DOCK3: variants seen among roughly 807,000 people sequenced by gnomAD.
DOCK3 encodes dedicator of cytokinesis protein 3.
Under a neutral mutation model 265.6 loss-of-function variants are expected in DOCK3, and 60 were observed. The ratio of observed to expected loss-of-function variants is 0.23; its 90% CI spans 0.18 to 0.28. The LOEUF is 0.28. Among genes scored for constraint, DOCK3 ranks in the 10% least tolerant of loss-of-function variants. DOCK3 has a pLI of 1.00. For synonymous variants in DOCK3, 881 were observed against 938.0 expected, an observed-to-expected ratio of 0.94 and a Z score of 1.11; for missense variants, 1,981 against 2,594.3, an observed-to-expected ratio of 0.76 and a Z score of 5.14.
chr3:51,315,905 G>A lies in DOCK3; in HGVS notation c.3402+777G>A, dbSNP rs534434294. On this transcript the variant is annotated intron_variant, in intron 32 of 52. Coordinates refer to ENST00000266037, the MANE Select transcript of DOCK3 (RefSeq NM_004947.5). ...ACCAGTTCCCCACTAAGCTCCTTCC[G>A]AGCCTGTGATTCTGGGATGAACCAG... Among the ~76,000 whole-genome samples, 3 of 152,222 alleles carry A rather than the reference G, an allele frequency of 2.0e-5. No individual in the cohort carries two copies. The South Asian group carries it at 6.2e-4, about 32-fold the overall frequency.
intron 5 of DOCK3, among the ~76,000 whole-genome samples, chr3:51,042,348 A>G (rs2080567180): frequency 6.6e-6 from 1 of 152,204 alleles, no homozygotes; most frequent in South Asian, 2.1e-4. Context: ...AATTATCTCA[A>G]TAGATGCAGA....
Position 50,913,419 on chromosome 3 carries a change from G to T in DOCK3, c.219-20562G>T, listed in dbSNP as rs546543555. ...TTGCAAGCTGTGCAGCCTGGGGCTA[G>T]GGGAGGGGTGATGTCAGCACTCCCT... On this transcript the variant is annotated intron_variant, in intron 4 of 52. Coordinates refer to ENST00000266037, the MANE Select transcript of DOCK3 (RefSeq NM_004947.5). Among the ~76,000 whole-genome samples the T allele has an allele frequency of 7.4e-4, 112 of 152,152 alleles. 2 individuals carry two copies. Among genetic ancestry groups the T allele is most frequent in the African/African-American group, 2.7e-3 (110 of 41,452 alleles).
chr3:51,312,451 A>G, intron 29 of DOCK3, 25 bp from the exon 30 acceptor site: 1 of 1,602,946 alleles, frequency 6.2e-7, no homozygotes, highest in South Asian at 1.1e-5. Context: ...AGACTGTCAC[A>G]TTTTCTCTTT....
chr3:50,920,041 A>C (rs958952217), intron 4 of DOCK3, among the ~76,000 whole-genome samples: 9 of 152,146 alleles, frequency 5.9e-5, no homozygotes, highest in East Asian at 3.9e-4. Context: ...TGTTTATATG[A>C]TGGATTATGT....
intron 7 of DOCK3, among the ~76,000 whole-genome samples, 176 bp downstream of exon 7, chr3:51,075,616 T>C (rs2082031455): frequency 2.0e-5 from 3 of 152,228 alleles, no homozygotes; most frequent in South Asian, 2.1e-4. Flanking sequence ...TAGGATTCCA[T>C]TGTAGTAAAC....
rs112783516 is a variant in DOCK3, at chr3:51,309,814, C to T, written c.2923-418C>T. On this transcript the variant is annotated intron_variant, in intron 27 of 52. Coordinates refer to ENST00000266037, the MANE Select transcript of DOCK3 (RefSeq NM_004947.5). The stretch of plus-strand genomic sequence containing the variant: ...CTTTACTCTGCCATTCCTAAAGTAC[C>T]TCTCCCATCATCGTGTTCTTAATAT... Among the ~76,000 whole-genome samples, 57 of 152,346 alleles carry T rather than the reference C, an allele frequency of 3.7e-4. No homozygotes were observed. In the Middle Eastern group the frequency reaches 0.01, roughly 27 times the overall value.
At chr3:51,352,491 A>G (rs2086065325) in intron 40 of DOCK3, among the ~76,000 whole-genome samples, 1 of 152,198 alleles carries the variant, frequency 6.6e-6, no homozygotes. Context: ...AGCCATCCAC[A>G]TCATGCTCAC....
chr3:50,803,609 C>T (rs560127051), intron 2 of DOCK3, among the ~76,000 whole-genome samples: 11 of 125,148 alleles, frequency 8.8e-5, no homozygotes, highest in Admixed American at 1.6e-4. Flanking sequence ...GACGGGGTGG[C>T]GGCCGGGCAG....
intron 5 of DOCK3, among the ~76,000 whole-genome samples, chr3:50,967,247 C>T (rs962818506): frequency 9.2e-5 from 14 of 152,222 alleles, no homozygotes; most frequent in Admixed American, 2.0e-4. Flanking sequence ...TTAGCTCCCA[C>T]GTATGAGTGA....
intron 3 of DOCK3, among the ~76,000 whole-genome samples, chr3:50,853,517 C>T (rs562923629): frequency 3.9e-5 from 6 of 152,148 alleles, no homozygotes; most frequent in Admixed American, 2.0e-4. Context: ...CTTCATGTTA[C>T]GTGTACTCAT....
intron 4 of DOCK3, among the ~76,000 whole-genome samples, chr3:50,931,638 A>G (rs545089959): frequency 1.3e-5 from 2 of 152,356 alleles, no homozygotes; most frequent in South Asian, 2.1e-4. Flanking sequence ...GAAGATCAAT[A>G]TGACCTATTT....
At chr3:50,973,359 A>G (rs1477872677) in intron 5 of DOCK3, among the ~76,000 whole-genome samples, 6 of 143,122 alleles carry the variant, frequency 4.2e-5, no homozygotes, top group Admixed American at 1.5e-4. Context: ...TCATTGTTCA[A>G]TTCCCACCTA....
chr3:51,304,710 G>A (rs1388452235), intron 27 of DOCK3, among the ~76,000 whole-genome samples: 1 of 152,162 alleles, frequency 6.6e-6, no homozygotes, highest in African/African-American at 2.4e-5. Flanking sequence ...GCTGGTGGTG[G>A]GGGGCCCCCT....
At chr3:50,779,198 T>C (rs945690780) in intron 2 of DOCK3, among the ~76,000 whole-genome samples, 1 of 152,184 alleles carries the variant, frequency 6.6e-6, no homozygotes, top group Non-Finnish European at 1.5e-5. Context: ...ATACTAGATC[T>C]TATTCATTGT....
At position 50,991,263 on chromosome 3, in the gene DOCK3, G is replaced by A. The variant is rs1324523855; in HGVS notation, c.315+57186G>A. Among the ~76,000 whole-genome samples, 4 of 152,172 alleles carry A rather than the reference G, an allele frequency of 2.6e-5. No individual in the cohort carries two copies. The East Asian group carries it at 5.8e-4, about 22-fold the overall frequency. ...ACACATATCAATACTAACCTTGAAT[G>A]TAAACAGTCTAAATCCTCCACTTAA... On this transcript the variant is annotated intron_variant, in intron 5 of 52. Coordinates refer to ENST00000266037, the MANE Select transcript of DOCK3 (RefSeq NM_004947.5).
In DOCK3 at chr3:51,227,435, A is replaced by G. The variant is rs745870143; in HGVS notation, c.1530A>G (p.Arg510=). 1.1e-5 allele frequency: 18 copies of G among 1,613,758 alleles called. No individual in the cohort carries two copies. In the Middle Eastern group the frequency reaches 5.0e-4, roughly 44 times the overall value. Residue 510 remains arginine (R), a synonymous_variant, in exon 16 of 53, where the codon AGA becomes AGG. Coordinates refer to ENST00000266037, the MANE Select transcript of DOCK3 (RefSeq NM_004947.5). ...FRGSHLRFEF[R]HCSTKDKGEK... ...GCTCCCACCTGCGCTTTGAGTTCAG[A>G]CATTGTTCCAGTGAGTTAGACTTCC...
intron 9 of DOCK3, among the ~76,000 whole-genome samples, chr3:51,121,457 C>G (rs1350933954): frequency 6.6e-6 from 1 of 152,050 alleles, no homozygotes; most frequent in Non-Finnish European, 1.5e-5. Context: ...CCCAGGAATC[C>G]CAGGGAAGGC....
chr3:50,717,891 C>T (rs2037225126), intron 1 of DOCK3, among the ~76,000 whole-genome samples: 1 of 152,166 alleles, frequency 6.6e-6, no homozygotes, highest in South Asian at 2.1e-4. Flanking sequence ...TCCCAAAGTG[C>T]TGGGATTACA....
chr3:51,274,010 A>T (rs902934199), intron 24 of DOCK3, among the ~76,000 whole-genome samples: 1 of 152,202 alleles, frequency 6.6e-6, no homozygotes, highest in African/African-American at 2.4e-5. Flanking sequence ...AGCTCGTGAG[A>T]GGAGTCAACT....
Sources: allele counts gnomAD v4.1 joint callset (sites outside exome capture counted in the v4.1 genomes callset), GRCh38; gene constraint gnomAD v4.1.1; transcripts MANE v1.5; gene names NCBI Gene and HGNC (gene_info 2026-07-23, HGNC 2026-07-21).